CSMD1: variants seen among roughly 807,000 people sequenced by gnomAD.
CSMD1 encodes the protein CUB and sushi domain-containing protein 1.
CSMD1 carries 213 observed loss-of-function variants against 417.5 expected under a neutral mutation model. The observed-to-expected ratio is 0.51, with a 90% confidence interval of 0.46 to 0.57. CSMD1 has a LOEUF of 0.57. Ranked by LOEUF, CSMD1 falls within the 20% of genes least tolerant of loss-of-function variation. The pLI is 0.00. For synonymous variants in CSMD1, 2,862 were observed against 1,736.8 expected (o/e 1.65, Z -16.11); for missense variants, 6,923 against 4,529.7 (o/e 1.53, Z -15.17).
intron 3 of CSMD1, among the ~76,000 whole-genome samples, chr8:4,144,043 T>A (rs967207897): frequency 6.6e-6 from 1 of 151,190 alleles, no homozygotes. Context: ...CTTTGATCCT[T>A]TGTTGTTAGG....
At chr8:4,171,651 T>C (rs746173009) in intron 3 of CSMD1, among the ~76,000 whole-genome samples, 8 of 150,034 alleles carry the variant, frequency 5.3e-5, no homozygotes, top group Non-Finnish European at 1.5e-5. Flanking sequence ...GCCTGTTTTT[T>C]TCCCAATGCA....
chr8:3,666,068 G>A (rs541933832), intron 7 of CSMD1, among the ~76,000 whole-genome samples: 1 of 152,090 alleles, frequency 6.6e-6, no homozygotes, highest in Non-Finnish European at 1.5e-5. Context: ...GCTAATTTTT[G>A]TATCTGTAGT....
At chr8:3,646,579 A>C (rs1797581389) in intron 7 of CSMD1, among the ~76,000 whole-genome samples, 1 of 152,336 alleles carries the variant, frequency 6.6e-6, no homozygotes, top group South Asian at 2.1e-4. Context: ...CCTGATTCTC[A>C]GTAGGACCGC....
chr8:4,269,629 T>C (rs1353599706), intron 3 of CSMD1, among the ~76,000 whole-genome samples: 1 of 152,174 alleles, frequency 6.6e-6, no homozygotes, highest in Non-Finnish European at 1.5e-5. Flanking sequence ...ACGTATATTG[T>C]AAATATCACA....
chr8:4,977,476 C>T (rs1810629457), intron 1 of CSMD1, among the ~76,000 whole-genome samples: 1 of 152,166 alleles, frequency 6.6e-6, no homozygotes. Flanking sequence ...AAGAAGGTCT[C>T]ATCTCTTCTG....
At chr8:4,671,466 C>T (rs552179496) in intron 1 of CSMD1, among the ~76,000 whole-genome samples, 7 of 152,214 alleles carry the variant, frequency 4.6e-5, no homozygotes, top group Non-Finnish European at 8.8e-5. Context: ...TCTGGAAGCA[C>T]GACAGAAAAG....
chr8:4,372,142 G>C (rs557348918), intron 3 of CSMD1, among the ~76,000 whole-genome samples: 2 of 152,172 alleles, frequency 1.3e-5, no homozygotes, highest in Non-Finnish European at 2.9e-5. Context: ...TTTTCTATGT[G>C]CATTTCTCTA....
At chr8:3,289,073 G>C (rs183501375) in intron 25 of CSMD1, among the ~76,000 whole-genome samples, 23 of 146,902 alleles carry the variant, frequency 1.6e-4, no homozygotes, top group Admixed American at 4.7e-4. Context: ...GAGAACATGC[G>C]GTATTTAGTT....
chr8:4,539,566 T>G (rs1797279617), intron 2 of CSMD1, among the ~76,000 whole-genome samples: 1 of 152,218 alleles, frequency 6.6e-6, no homozygotes, highest in African/African-American at 2.4e-5. Context: ...AACATTTTTC[T>G]CATGTTACAC....
Position 3,641,674 on chromosome 8 carries a change from G to A in CSMD1, c.1010-24877C>T, listed in dbSNP as rs550403632. Among the ~76,000 whole-genome samples the A allele has an allele frequency of 2.0e-5, 3 of 152,238 alleles. No homozygotes were observed. In the South Asian group the frequency reaches 6.2e-4, roughly 32 times the overall value. Reference sequence around the variant, plus strand: ...CGTAGGAATTTCAAATACAGCTTTTGCCCCAACAGAGGGGGCCAGGAGCTC... The same window carrying A: ...CGTAGGAATTTCAAATACAGCTTTTACCCCAACAGAGGGGGCCAGGAGCTC... On this transcript the variant is annotated intron_variant, in intron 7 of 69. Coordinates refer to ENST00000635120, the MANE Select transcript of CSMD1 (RefSeq NM_033225.6).
chr8:3,602,003 G>A (rs905088687), intron 8 of CSMD1, among the ~76,000 whole-genome samples: 3 of 152,114 alleles, frequency 2.0e-5, no homozygotes, highest in Non-Finnish European at 4.4e-5. Context: ...GGGAGGATGG[G>A]AAGTTATGGC....
chr8:4,067,699 C>T (rs566737093), intron 3 of CSMD1, among the ~76,000 whole-genome samples: 2 of 152,236 alleles, frequency 1.3e-5, no homozygotes, highest in African/African-American at 4.8e-5. Context: ...GAATATTAAA[C>T]TTTCCATGTT....
chr8:3,245,130 C>T (rs1292523743), intron 26 of CSMD1, among the ~76,000 whole-genome samples: 1 of 152,180 alleles, frequency 6.6e-6, no homozygotes, highest in Non-Finnish European at 1.5e-5. Flanking sequence ...TGCATTAATG[C>T]ATTAATTGAG....
At chr8:3,997,821 C>T in intron 5 of CSMD1, 82 bp downstream of exon 5, 2 of 1,279,458 alleles carry the variant, frequency 1.6e-6, no homozygotes, top group Non-Finnish European at 2.2e-6. Context: ...CGTCCAGAGA[C>T]AAGCAATTCT....
chr8:2,952,062 T>C (rs186971090), intron 65 of CSMD1, among the ~76,000 whole-genome samples: 2 of 152,328 alleles, frequency 1.3e-5, no homozygotes, highest in Non-Finnish European at 1.5e-5. Context: ...AACTTATTTT[T>C]CATGTGTCTG....
chr8:3,655,311 C>G (rs1798046117), intron 7 of CSMD1, among the ~76,000 whole-genome samples: 1 of 152,176 alleles, frequency 6.6e-6, no homozygotes, highest in Admixed American at 6.5e-5. Context: ...CCTTCAATTT[C>G]TTAAAAATAA....
chr8:2,985,080 G>A (rs1351242074), intron 54 of CSMD1, among the ~76,000 whole-genome samples: 1 of 152,102 alleles, frequency 6.6e-6, no homozygotes, highest in Non-Finnish European at 1.5e-5. Flanking sequence ...ACCATCATTG[G>A]CCTCAAAGCG....
rs192603061 is a variant in CSMD1 at position 3,408,710 on chromosome 8, C to G, written c.1745-485G>C. Among the ~76,000 whole-genome samples the G allele has an allele frequency of 2.6e-5, 4 of 151,988 alleles. No homozygotes were observed. In the East Asian group the frequency reaches 5.8e-4, roughly 22 times the overall value. The stretch of plus-strand genomic sequence containing the variant: ...AGGGTAAACATGAATAAATAAATAA[C>G]TTGGAAACATCAGATCATGTTCTAG... On this transcript the variant is annotated intron_variant, in intron 13 of 69. Coordinates refer to ENST00000635120, the MANE Select transcript of CSMD1 (RefSeq NM_033225.6).
At chr8:3,259,950 C>T (rs896662874) in intron 26 of CSMD1, among the ~76,000 whole-genome samples, 1 of 152,192 alleles carries the variant, frequency 6.6e-6, no homozygotes, top group African/African-American at 2.4e-5. Context: ...TTGGGCTACA[C>T]AGCCACAGAG....
Sources: gnomAD v4.1 joint callset for allele counts (sites outside exome capture counted in the v4.1 genomes callset) on GRCh38, gnomAD v4.1.1 for gene constraint, MANE v1.5 for transcripts, NCBI Gene and HGNC (gene_info 2026-07-23, HGNC 2026-07-21) for gene names.